Variants in CNTN6 observed in about 807,000 individuals in gnomAD.
The protein encoded by CNTN6 is contactin-6.
A neutral mutation model predicts 122.8 loss-of-function variants in CNTN6; 137 were observed. That is an observed-to-expected ratio of 1.12 (90% CI 0.97 to 1.29). The LOEUF (loss-of-function observed/expected upper bound fraction) is 1.29. CNTN6 is among the 50% of genes most tolerant of loss of function. The pLI, the probability that CNTN6 is intolerant of heterozygous loss-of-function variation, is 0.00. For synonymous variants in CNTN6, 570 were observed against 426.0 expected (o/e 1.34, Z -4.16); for missense variants, 1,634 against 1,223.4 (o/e 1.34, Z -5.01).
Position 1,255,269 on chromosome 3 carries a change from T to C in CNTN6, c.359-23144T>C, listed in dbSNP as rs1457246361. ...GGAAGATGCTGCAAAGTCATTGCAA[T>C]AGGGTACAGGAAGGTGAAAAATTAG... is the stretch of plus-strand genomic sequence containing the variant. On this transcript the variant is annotated intron_variant, in intron 4 of 22. Transcript: ENST00000446702. 2.6e-5 allele frequency among the ~76,000 whole-genome samples: 4 copies of C among 152,104 alleles called. No individual in the cohort carries two copies. In the South Asian group the frequency reaches 6.2e-4, roughly 24 times the overall value.
At chr3:1,121,654 T>A (rs1049182359) in intron 1 of CNTN6, among the ~76,000 whole-genome samples, 15 of 151,920 alleles carry the variant, frequency 9.9e-5, no homozygotes, top group Admixed American at 1.3e-4. Context: ...CCTTTCTGAT[T>A]TTTTTTGAAA....
At chr3:1,273,960 A>G (rs1691844408) in intron 4 of CNTN6, among the ~76,000 whole-genome samples, 1 of 152,226 alleles carries the variant, frequency 6.6e-6, no homozygotes, top group Admixed American at 6.5e-5. Flanking sequence ...TGTGACACTG[A>G]GAGAATTCAA....
intron 13 of CNTN6, 33 bp downstream of exon 13, chr3:1,372,507 A>T (rs755504002): frequency 1.7e-5 from 26 of 1,533,424 alleles, no homozygotes; most frequent in Non-Finnish European, 2.1e-5. Flanking sequence ...TGCTTAATAA[A>T]ATGAATCAAG....
chr3:1,364,353 AAAGG>A (rs1167588341), intron 12 of CNTN6, among the ~76,000 whole-genome samples: 2 of 151,996 alleles, frequency 1.3e-5, no homozygotes, highest in African/African-American at 4.8e-5. Context: ...ATAGATAAAT[AAAGG>A]AAGAGCCCCA....
intron 4 of CNTN6, among the ~76,000 whole-genome samples, chr3:1,244,172 A>G (rs1458259260): frequency 6.6e-6 from 1 of 152,160 alleles, no homozygotes. Flanking sequence ...GTTTTAGGTC[A>G]GGTGTGTGTT....
intron 4 of CNTN6, among the ~76,000 whole-genome samples, chr3:1,269,143 C>G (rs1327363800): frequency 6.6e-6 from 1 of 151,440 alleles, no homozygotes; most frequent in Non-Finnish European, 1.5e-5. Flanking sequence ...TTTTTTTCCT[C>G]TGAGGCAGGT....
chr3:1,135,428 A>G lies in CNTN6; in HGVS notation c.-82-12499A>G, dbSNP rs77772111. Among the ~76,000 whole-genome samples the G allele has an allele frequency of 7.0e-3, 1,060 of 152,286 alleles. 13 individuals are homozygous for G. Among genetic ancestry groups the G allele is most frequent in the African/African-American group, 0.025 (1,027 of 41,562 alleles). On this transcript the variant is annotated intron_variant, in intron 1 of 22. Coordinates refer to ENST00000446702, the MANE Select transcript of CNTN6 (RefSeq NM_001289080.2). Reference sequence around the variant, plus strand: ...GTGGGGACCGTGAACCTTAGCCAACAGAAACAGAATGGAATCAGTGTACAT... The same window carrying G: ...GTGGGGACCGTGAACCTTAGCCAACGGAAACAGAATGGAATCAGTGTACAT...
At chr3:1,223,015 T>C (rs112478269) in intron 3 of CNTN6, among the ~76,000 whole-genome samples, 2,220 of 152,312 alleles carry the variant, frequency 0.015, 24 homozygotes, top group Non-Finnish European at 0.02. Context: ...GTATTTCAGA[T>C]AACGTGCATT....
intron 5 of CNTN6, among the ~76,000 whole-genome samples, chr3:1,286,989 G>C (rs1401479583): frequency 7.2e-5 from 11 of 152,078 alleles, no homozygotes; most frequent in Non-Finnish European, 5.9e-5. Context: ...ATTACATAAT[G>C]GTAAAGGGAT....
intron 4 of CNTN6, among the ~76,000 whole-genome samples, chr3:1,270,560 C>G (rs1449827604): frequency 6.6e-6 from 1 of 152,166 alleles, no homozygotes; most frequent in Non-Finnish European, 1.5e-5. Context: ...AAAATACATA[C>G]CTTCAACATG....
chr3:1,321,255 A>C (rs1168525102), intron 7 of CNTN6, among the ~76,000 whole-genome samples: 1 of 151,788 alleles, frequency 6.6e-6, no homozygotes, highest in African/African-American at 2.4e-5. Flanking sequence ...CTTGACCACT[A>C]TAATAAATTG....
At chr3:1,159,595 T>C (rs1207712491) in intron 2 of CNTN6, among the ~76,000 whole-genome samples, 4 of 151,900 alleles carry the variant, frequency 2.6e-5, no homozygotes, top group East Asian at 1.9e-4. Flanking sequence ...TTTTGGCAAA[T>C]ATACTGTCAT....
At chr3:1,203,170 T>A (rs1187355271) in intron 2 of CNTN6, among the ~76,000 whole-genome samples, 1 of 152,144 alleles carries the variant, frequency 6.6e-6, no homozygotes, top group East Asian at 1.9e-4. Flanking sequence ...AATAAGTTAG[T>A]TTTAAAGCAA....
intron 12 of CNTN6, among the ~76,000 whole-genome samples, chr3:1,361,810 A>G (rs1707505097): frequency 6.6e-6 from 1 of 152,172 alleles, no homozygotes; most frequent in African/African-American, 2.4e-5. Context: ...AGGTGTTTGC[A>G]ACATGAGGTG....
chr3:1,319,657 ATTTG>A (rs1390457135), intron 7 of CNTN6, among the ~76,000 whole-genome samples: 2 of 151,498 alleles, frequency 1.3e-5, no homozygotes, highest in African/African-American at 4.8e-5. Flanking sequence ...CTTTGCATGT[ATTTG>A]TTATAAATCT....
chr3:1,167,499 A>C (rs984789283), intron 2 of CNTN6, among the ~76,000 whole-genome samples: 4 of 152,210 alleles, frequency 2.6e-5, no homozygotes, highest in African/African-American at 7.2e-5. Flanking sequence ...ACATATTAAA[A>C]TAATGAAGTG....
rs1296037713 is a variant in CNTN6 at position 1,245,264 on chromosome 3, TATATATATATACACACAC to T, written c.358+17283_358+17300del. Among the ~76,000 whole-genome samples the T allele has an allele frequency of 1.7e-3, 8 of 4,826 alleles. 2 individuals carry two copies. Among genetic ancestry groups the T allele is most frequent in the Admixed American group, 0.011 (3 of 280 alleles). 3.2% of individuals were successfully genotyped at this position (4,826 alleles called of 152,430 possible). ...CACACACATATATATATAACATATA[TATATATATATACACACAC>T]ATATATATATAACATATATATATAT... On this transcript the variant is annotated intron_variant, in intron 4 of 22. Coordinates refer to ENST00000446702, the MANE Select transcript of CNTN6 (RefSeq NM_001289080.2).
chr3:1,270,011 C>A (rs926181377), intron 4 of CNTN6, among the ~76,000 whole-genome samples: 5 of 152,144 alleles, frequency 3.3e-5, no homozygotes, highest in Non-Finnish European at 7.3e-5. Context: ...AAATGTATGA[C>A]CAGTTCTAAG....
At chr3:1,384,784 T>TACAC (rs1262554562) in intron 19 of CNTN6, among the ~76,000 whole-genome samples, 11 of 133,600 alleles carry the variant, frequency 8.2e-5, no homozygotes, top group African/African-American at 2.7e-4. Context: ...TATATATATA[T>TACAC]ATATATATAT....
Sources: allele counts gnomAD v4.1 joint callset (sites outside exome capture counted in the v4.1 genomes callset), GRCh38; gene constraint gnomAD v4.1.1; transcripts MANE v1.5; gene names NCBI Gene and HGNC (gene_info 2026-07-23, HGNC 2026-07-21).